Variants in RYR3 observed in about 807,000 individuals in gnomAD.
RYR3 encodes the protein ryanodine receptor 3, also known as brain ryanodine receptor-calcium release channel.
A neutral mutation model predicts 584.3 loss-of-function variants in RYR3; 207 were observed. The ratio of observed to expected loss-of-function variants is 0.35; its 90% CI spans 0.32 to 0.40. The LOEUF is 0.40. Among genes scored for constraint, RYR3 ranks in the 10% least tolerant of loss-of-function variants. The probability of loss-of-function intolerance (pLI) is 1.00; values close to 1 mark genes in which losing one functional copy is unlikely to be tolerated. For synonymous variants in RYR3, 2,416 were observed against 2,248.5 expected (o/e 1.07, Z -2.11); for missense variants, 5,616 against 6,089.2 (o/e 0.92, Z 2.59).
intron 53 of RYR3, among the ~76,000 whole-genome samples, 176 bp downstream of exon 53, chr15:33,746,333 G>C (rs376985851): frequency 1.4e-4 from 21 of 152,200 alleles, no homozygotes; most frequent in South Asian, 8.3e-4. Context: ...CAGTTTCCGA[G>C]AGCCCAGCCT....
At chr15:33,787,109 T>G (rs963938389) in intron 66 of RYR3, among the ~76,000 whole-genome samples, 1 of 152,190 alleles carries the variant, frequency 6.6e-6, no homozygotes, top group African/African-American at 2.4e-5. Flanking sequence ...AGGCCACTGA[T>G]GGAAACTGAA....
intron 32 of RYR3, among the ~76,000 whole-genome samples, chr15:33,656,263 G>T (rs1485522948): frequency 6.6e-6 from 1 of 152,242 alleles, no homozygotes; most frequent in East Asian, 1.9e-4. Flanking sequence ...ATACAAAAGG[G>T]AAACTGTCAG....
chr15:33,449,710 G>A (rs918782113), intron 1 of RYR3, among the ~76,000 whole-genome samples: 3 of 152,206 alleles, frequency 2.0e-5, no homozygotes, highest in African/African-American at 2.4e-5. Flanking sequence ...AGTTTAATCA[G>A]ATTGCTTTTT....
chr15:33,504,999 T>G (rs989459067), intron 3 of RYR3, among the ~76,000 whole-genome samples: 2 of 152,228 alleles, frequency 1.3e-5, no homozygotes, highest in Non-Finnish European at 2.9e-5. Flanking sequence ...ATAGCTCTTA[T>G]CACTCTGTAC....
chr15:33,854,741 A>C (rs1202911983), intron 97 of RYR3, 25 bp from the exon 98 acceptor site: 1 of 1,583,416 alleles, frequency 6.3e-7, no homozygotes, highest in East Asian at 2.2e-5. Flanking sequence ...AACATGCTTA[A>C]AAGTCTGCTT....
chr15:33,699,293 C>G (rs1484145419), intron 40 of RYR3, among the ~76,000 whole-genome samples: 1 of 123,404 alleles, frequency 8.1e-6, no homozygotes, highest in African/African-American at 3.0e-5. Context: ...ACTCTCTCCT[C>G]TTTCTCTCCT....
Position 33,439,954 on chromosome 15 carries a change from G to A in RYR3, c.52-33465G>A, listed in dbSNP as rs547644058. On this transcript the variant is annotated intron_variant, in intron 1 of 103. Coordinates refer to ENST00000634891, the MANE Select transcript of RYR3 (RefSeq NM_001036.6). The stretch of plus-strand genomic sequence containing the variant: ...TGGATAGCGACAGGTAGATAAAAAC[G>A]AATTTGTTTTAAATTCTTTAGTTAC... Among the ~76,000 whole-genome samples, 14 of 152,210 alleles carry A rather than the reference G, an allele frequency of 9.2e-5. No individual in the cohort carries two copies. The South Asian group carries it at 2.5e-3, about 27-fold the overall frequency.
rs375916468 is a variant in RYR3, at chr15:33,376,638, G to A, written c.51+65542G>A. Among the ~76,000 whole-genome samples, 40 of 152,304 alleles carry A rather than the reference G, an allele frequency of 2.6e-4. No homozygotes were observed. In the East Asian group the frequency reaches 5.4e-3, roughly 21 times the overall value. On this transcript the variant is annotated intron_variant, in intron 1 of 103. Coordinates refer to ENST00000634891, the MANE Select transcript of RYR3 (RefSeq NM_001036.6). ...TATAACAGCCAACACTTGCAGCGGC[G>A]GGAATGGGGTCTTGGTCTGAAGTGG...
At chr15:33,796,401 T>C (rs1159964117) in intron 67 of RYR3, among the ~76,000 whole-genome samples, 1 of 152,220 alleles carries the variant, frequency 6.6e-6, no homozygotes, top group East Asian at 1.9e-4. Flanking sequence ...CCCAAAGTGC[T>C]GGGATTACAG....
chr15:33,375,011 A>G (rs1214646736), intron 1 of RYR3, among the ~76,000 whole-genome samples: 1 of 152,228 alleles, frequency 6.6e-6, no homozygotes, highest in East Asian at 1.9e-4. Flanking sequence ...CAAGCAAGCG[A>G]TATTTTATTA....
rs1341204787 is a variant in RYR3 at position 33,865,738 on chromosome 15, A to C, written c.*512A>C. 6.5e-6 allele frequency: 1 copy of C among 153,630 alleles called. No homozygotes were observed. Among genetic ancestry groups the C allele is most frequent in the African/African-American group, 2.4e-5 (1 of 41,458 alleles). 9.5% of individuals were successfully genotyped at this position (153,630 alleles called of 1,614,324 possible). On this transcript the variant is annotated 3_prime_UTR_variant, in exon 104 of 104. Coordinates refer to ENST00000634891, the MANE Select transcript of RYR3 (RefSeq NM_001036.6). Reference sequence around the variant, plus strand: ...TAAGCAGTTAAAGAAACAGAAAAAAACCGACACTTTGTCGACACTGAAATA... The same window carrying C: ...TAAGCAGTTAAAGAAACAGAAAAAACCCGACACTTTGTCGACACTGAAATA...
At chr15:33,474,592 T>A (rs1267013774) in intron 2 of RYR3, among the ~76,000 whole-genome samples, 1 of 152,214 alleles carries the variant, frequency 6.6e-6, no homozygotes, top group Non-Finnish European at 1.5e-5. Flanking sequence ...TCAAAACCTA[T>A]GGTGTCGTTT....
intron 51 of RYR3, among the ~76,000 whole-genome samples, chr15:33,740,543 A>G (rs530618823): frequency 6.6e-6 from 1 of 152,144 alleles, no homozygotes; most frequent in Admixed American, 6.5e-5. Context: ...TCTCCCTGTA[A>G]TTTTCCAGAA....
chr15:33,852,870 A>G (rs887596838), intron 94 of RYR3, 175 bp from the exon 95 acceptor site: 1 of 597,908 alleles, frequency 1.7e-6, no homozygotes, highest in Non-Finnish European at 3.0e-6. Flanking sequence ...GAAGCCATAC[A>G]TGACTCAGTA....
chr15:33,697,816 C>T (rs1307481774), intron 39 of RYR3, 66 bp from the exon 40 acceptor site: 9 of 979,616 alleles, frequency 9.2e-6, no homozygotes, highest in African/African-American at 6.4e-5. Flanking sequence ...TGTGTGTTCT[C>T]ATCCCTGAAT....
chr15:33,845,156 G>T, intron 93 of RYR3, 94 bp downstream of exon 93: 1 of 1,263,344 alleles, frequency 7.9e-7, no homozygotes. Flanking sequence ...GACTTTGCTA[G>T]CCGTAAAGGC....
chr15:33,628,881 C>G (rs16973392), intron 21 of RYR3, among the ~76,000 whole-genome samples: 20,541 of 152,052 alleles, frequency 0.14, 1,808 homozygotes, highest in East Asian at 0.42. Flanking sequence ...TGAATCAGAA[C>G]TTGTTTAATA....
intron 52 of RYR3, among the ~76,000 whole-genome samples, chr15:33,745,701 T>C (rs1156397802): frequency 6.6e-6 from 1 of 152,176 alleles, no homozygotes; most frequent in African/African-American, 2.4e-5. Flanking sequence ...GCAGTGGCAA[T>C]AGGTCCAGTC....
At chr15:33,632,819 G>A in intron 23 of RYR3, 130 bp from the exon 24 acceptor site, 1 of 701,824 alleles carries the variant, frequency 1.4e-6, no homozygotes, top group South Asian at 2.1e-5. Flanking sequence ...TATTTGTTCA[G>A]CCAAAGAGTG....
Sources: allele counts gnomAD v4.1 joint callset (sites outside exome capture counted in the v4.1 genomes callset), GRCh38; gene constraint gnomAD v4.1.1; transcripts MANE v1.5; gene names NCBI Gene and HGNC (gene_info 2026-07-23, HGNC 2026-07-21).